DYM: variants seen among roughly 807,000 people sequenced by gnomAD.
The protein encoded by DYM is dymeclin.
In DYM, 78 loss-of-function variants were observed where a neutral mutation model predicts 93.1. The observed-to-expected ratio is 0.84, with a 90% CI of 0.70 to 1.01. The LOEUF is 1.01. Among genes scored for constraint, DYM ranks in the 50% least tolerant of loss-of-function variants. DYM has a pLI of 0.00. For synonymous variants in DYM, 321 were observed against 319.7 expected, an observed-to-expected ratio of 1.00 and a Z score of -0.04; for missense variants, 789 against 845.0, an observed-to-expected ratio of 0.93 and a Z score of 0.82.
At chr18:49,293,891 A>T (rs181634496) in intron 8 of DYM, among the ~76,000 whole-genome samples, 2 of 152,276 alleles carry the variant, frequency 1.3e-5, no homozygotes, top group Admixed American at 6.5e-5. Context: ...ATCTTTGCCC[A>T]TGCCTATGTC....
intron 17 of DYM, among the ~76,000 whole-genome samples, chr18:49,085,605 C>CTT: frequency 1.1e-5 from 1 of 91,330 alleles, no homozygotes; most frequent in Non-Finnish European, 2.7e-5. Context: ...GACAACTGGT[C>CTT]CTTTTTTTTT....
At chr18:49,199,335 A>G (rs1458010989) in intron 14 of DYM, among the ~76,000 whole-genome samples, 1 of 152,218 alleles carries the variant, frequency 6.6e-6, no homozygotes, top group Non-Finnish European at 1.5e-5. Context: ...TATGTAACAA[A>G]CCTGCACGTT....
At chr18:49,120,090 A>AG (rs912279403) in intron 15 of DYM, among the ~76,000 whole-genome samples, 2 of 151,022 alleles carry the variant, frequency 1.3e-5, no homozygotes, top group African/African-American at 4.8e-5. Flanking sequence ...AAAAAAAAAA[A>AG]AAAAAGAAAA....
chr18:49,099,323 T>C (rs9946623), intron 16 of DYM, among the ~76,000 whole-genome samples: 152 of 152,254 alleles, frequency 1.0e-3, no homozygotes, highest in African/African-American at 3.5e-3. Context: ...TCATCAGAAG[T>C]AGCTGAGAAG....
intron 1 of DYM, among the ~76,000 whole-genome samples, chr18:49,445,451 A>G (rs1220693962): frequency 6.6e-6 from 1 of 152,188 alleles, no homozygotes; most frequent in African/African-American, 2.4e-5. Context: ...ACAAGAAAGG[A>G]CACCTGAAAT....
intron 1 of DYM, among the ~76,000 whole-genome samples, chr18:49,453,687 T>C (rs755025360): frequency 2.0e-5 from 3 of 152,188 alleles, no homozygotes; most frequent in African/African-American, 4.8e-5. Flanking sequence ...TTTTCATTGT[T>C]GTAGAATTTG....
At chr18:49,111,152 G>A (rs533488065) in intron 16 of DYM, among the ~76,000 whole-genome samples, 1 of 151,830 alleles carries the variant, frequency 6.6e-6, no homozygotes, top group South Asian at 2.1e-4. Flanking sequence ...AATATTTTAA[G>A]TTTTGTGGGT....
chr18:49,257,828 A>G (rs569037305), intron 12 of DYM, among the ~76,000 whole-genome samples: 14 of 151,824 alleles, frequency 9.2e-5, no homozygotes, highest in Non-Finnish European at 2.1e-4. Context: ...TGTGCAGCCT[A>G]GGCTGAAGGG....
intron 15 of DYM, among the ~76,000 whole-genome samples, chr18:49,162,367 G>A (rs2087263497): frequency 1.3e-5 from 2 of 152,132 alleles, no homozygotes; most frequent in Non-Finnish European, 2.9e-5. Flanking sequence ...CTTGCTAGTG[G>A]TGACTCTCTG....
intron 5 of DYM, among the ~76,000 whole-genome samples, chr18:49,374,012 T>C (rs1460646090): frequency 6.6e-6 from 1 of 152,206 alleles, no homozygotes; most frequent in African/African-American, 2.4e-5. Flanking sequence ...TTAAAAAATA[T>C]AGAAGGCTAA....
chr18:49,376,925 A>G (rs1434824478), intron 5 of DYM, among the ~76,000 whole-genome samples: 2 of 152,236 alleles, frequency 1.3e-5, no homozygotes, highest in Non-Finnish European at 2.9e-5. Flanking sequence ...ATCTTGAAAG[A>G]GGCCATAAGG....
At chr18:49,350,304 T>G (rs1046206684) in intron 6 of DYM, among the ~76,000 whole-genome samples, 5 of 152,226 alleles carry the variant, frequency 3.3e-5, no homozygotes, top group African/African-American at 1.2e-4. Context: ...AATCCATACA[T>G]AGCTATAAAA....
At chr18:49,251,703 A>G (rs987077630) in intron 13 of DYM, among the ~76,000 whole-genome samples, 2 of 152,132 alleles carry the variant, frequency 1.3e-5, no homozygotes, top group African/African-American at 4.8e-5. Flanking sequence ...CGTCTTACAG[A>G]TGGGAAACTG....
intron 14 of DYM, among the ~76,000 whole-genome samples, chr18:49,207,654 A>G (rs1473600673): frequency 1.4e-4 from 22 of 152,162 alleles, no homozygotes; most frequent in Admixed American, 1.4e-3. Context: ...CACAGCATAA[A>G]AATCCTGCCT....
Position 49,043,816 on chromosome 18 carries a change from T to G in DYM, c.*239A>C. ...AAAACTGCATGTTGAATAGCAGGTT[T>G]TTACATTTATTATTGTTGTGTATTT... On this transcript the variant is annotated 3_prime_UTR_variant, in exon 18 of 18. Coordinates refer to ENST00000675505, the MANE Select transcript of DYM (RefSeq NM_001353214.3). The G allele has an allele frequency of 1.8e-6, 1 of 543,734 alleles. No homozygotes were observed. The highest frequency in any genetic ancestry group is 3.3e-6 in the Non-Finnish European group (1 of 304,996). The allele number at this position is 543,734 out of a possible 1,614,324, so 33.7% of individuals were successfully genotyped here. A position where few individuals can be genotyped will look rare whatever the true frequency, so the allele number is the denominator to read the frequency against.
At chr18:49,369,515 C>T (rs1007734362) in intron 5 of DYM, among the ~76,000 whole-genome samples, 3 of 152,190 alleles carry the variant, frequency 2.0e-5, no homozygotes, top group Non-Finnish European at 2.9e-5. Flanking sequence ...GTTCTCCAAC[C>T]TTGAAGCCAT....
intron 8 of DYM, among the ~76,000 whole-genome samples, chr18:49,319,075 G>A (rs2062259567): frequency 6.6e-6 from 1 of 152,042 alleles, no homozygotes; most frequent in Non-Finnish European, 1.5e-5. Flanking sequence ...AAAGTGCTGG[G>A]ATTACAGGCG....
At chr18:49,221,526 A>C (rs2093357296) in intron 13 of DYM, among the ~76,000 whole-genome samples, 1 of 152,206 alleles carries the variant, frequency 6.6e-6, no homozygotes, top group African/African-American at 2.4e-5. Flanking sequence ...ACAATGATAG[A>C]CTGGATTAAG....
At position 49,097,384 on chromosome 18, in the gene DYM, T is replaced by C. The variant is rs765423036; in HGVS notation, c.2025+18A>G. The C allele has an allele frequency of 6.2e-7, 1 of 1,611,794 alleles. No individual in the cohort carries two copies. Among genetic ancestry groups the C allele is most frequent in the Non-Finnish European group, 8.5e-7 (1 of 1,178,180 alleles). On this transcript the variant is annotated intron_variant, in intron 17 of 17. Coordinates refer to ENST00000675505, the MANE Select transcript of DYM (RefSeq NM_001353214.3). ...GGGACACGGCAGTGTCAAGTGGACA[T>C]TTCTTTAGCCTTCTTACCTTCAGTC...
Sources: gnomAD v4.1 joint callset for allele counts (sites outside exome capture counted in the v4.1 genomes callset) on GRCh38, gnomAD v4.1.1 for gene constraint, MANE v1.5 for transcripts, NCBI Gene and HGNC (gene_info 2026-07-23, HGNC 2026-07-21) for gene names.